Variants in PRKCH observed in about 807,000 individuals in gnomAD.
The protein encoded by PRKCH is protein kinase C eta type.
PRKCH carries 28 observed loss-of-function variants against 82.5 expected under a neutral mutation model. The observed-to-expected ratio is 0.34, with a 90% CI of 0.25 to 0.47. The LOEUF (loss-of-function observed/expected upper bound fraction) is 0.47. PRKCH is among the 20% of genes least tolerant of loss of function. PRKCH has a pLI of 1.00. For synonymous variants in PRKCH, 322 were observed against 327.4 expected (o/e 0.98, Z 0.18); for missense variants, 705 against 881.8 (o/e 0.80, Z 2.54).
Position 61,447,916 on chromosome 14 carries a change from C to T in PRKCH, c.614-1248C>T, listed in dbSNP as rs530933558. On this transcript the variant is annotated intron_variant, in intron 4 of 13. Coordinates refer to ENST00000332981, the MANE Select transcript of PRKCH (RefSeq NM_006255.5). ...AAGGAAGATAAATTTAAGCCTCAAG[C>T]GAGCATAAGAAAAGAAATAATACAA... Among the ~76,000 whole-genome samples the T allele has an allele frequency of 8.6e-5, 13 of 152,026 alleles. No individual in the cohort carries two copies. The South Asian group carries it at 2.1e-3, about 24-fold the overall frequency.
In PRKCH at chr14:61,539,478, G is replaced by A. The variant is rs138195262; in HGVS notation, c.1762-8265G>A. ...TGTGTAGTGTGTCTCTGGAGATATCGCACAGAATATTCTGATGCTGGTCAG... is the reference window on the plus strand; with the variant it reads ...TGTGTAGTGTGTCTCTGGAGATATCACACAGAATATTCTGATGCTGGTCAG... On this transcript the variant is annotated intron_variant, in intron 12 of 13. Coordinates refer to ENST00000332981, the MANE Select transcript of PRKCH (RefSeq NM_006255.5). Among the ~76,000 whole-genome samples the A allele has an allele frequency of 3.6e-3, 552 of 152,226 alleles. 3 individuals carry two copies. The highest frequency in any genetic ancestry group is 0.02 in the Middle Eastern group (6 of 294).
chr14:61,250,444 T>A (rs903989698), intron 1 of PRKCH, among the ~76,000 whole-genome samples: 6 of 151,908 alleles, frequency 3.9e-5, no homozygotes, highest in African/African-American at 1.5e-4. Context: ...AAAAGACATA[T>A]GGGAAACTTA....
intron 3 of PRKCH, 64 bp downstream of exon 3, chr14:61,443,325 G>A: frequency 6.7e-7 from 1 of 1,501,498 alleles, no homozygotes; most frequent in Non-Finnish European, 9.0e-7. Flanking sequence ...CTCTGGTTAT[G>A]TATGACTTCA....
chr14:61,544,930 A>T (rs2043234487), intron 12 of PRKCH, among the ~76,000 whole-genome samples: 1 of 152,132 alleles, frequency 6.6e-6, no homozygotes, highest in South Asian at 2.1e-4. Context: ...TCTTCCTTCC[A>T]ATTAACTAGA....
At chr14:61,224,107 T>C (rs371723702) in intron 1 of PRKCH, among the ~76,000 whole-genome samples, 8 of 152,326 alleles carry the variant, frequency 5.3e-5, no homozygotes, top group African/African-American at 1.9e-4. Context: ...CCCCTGACCC[T>C]GGGCACCCAG....
Position 61,514,604 on chromosome 14 carries a change from C to T in PRKCH, c.1434-14471C>T, listed in dbSNP as rs2042794948. 2.6e-5 allele frequency among the ~76,000 whole-genome samples: 4 copies of T among 152,134 alleles called. No individual in the cohort carries two copies. In the South Asian group the frequency reaches 8.3e-4, roughly 32 times the overall value. On this transcript the variant is annotated intron_variant, in intron 10 of 13. Coordinates refer to ENST00000332981, the MANE Select transcript of PRKCH (RefSeq NM_006255.5). ...CCAGCACAAACCAGAATCCACCCAG[C>T]TCCCCCCACATCCTCCCTAATCCTT...
chr14:61,499,498 C>A (rs1258078725), intron 10 of PRKCH, among the ~76,000 whole-genome samples: 5 of 152,074 alleles, frequency 3.3e-5, no homozygotes, highest in Non-Finnish European at 2.9e-5. Context: ...GACTGCCTGG[C>A]CCCTCACATC....
intron 1 of PRKCH, among the ~76,000 whole-genome samples, chr14:61,334,463 AG>A (rs2045828395): frequency 6.6e-6 from 1 of 152,178 alleles, no homozygotes; most frequent in Non-Finnish European, 1.5e-5. Context: ...AGCACTGTGC[AG>A]CAGACTTGCT....
intron 2 of PRKCH, among the ~76,000 whole-genome samples, chr14:61,434,196 T>C (rs1028066801): frequency 1.3e-5 from 2 of 152,192 alleles, no homozygotes; most frequent in African/African-American, 2.4e-5. Context: ...TGTTTACATT[T>C]TCAAGTATAT....
intron 1 of PRKCH, among the ~76,000 whole-genome samples, chr14:61,252,705 A>C (rs1419207659): frequency 2.6e-5 from 4 of 152,248 alleles, no homozygotes; most frequent in Non-Finnish European, 5.9e-5. Context: ...TCCAATAAGA[A>C]GTGACCAATT....
At chr14:61,336,094 C>A (rs949514453) in intron 1 of PRKCH, among the ~76,000 whole-genome samples, 1 of 152,214 alleles carries the variant, frequency 6.6e-6, no homozygotes, top group African/African-American at 2.4e-5. Flanking sequence ...ACATATACTA[C>A]CGCAGAAAAA....
chr14:61,322,122 G>C lies in PRKCH; in HGVS notation c.21G>C (p.Lys7Asn), dbSNP rs1443653480. MSSGTM[K>N]FNGYLRVRIG... The stretch of plus-strand genomic sequence containing the variant: ...CCGGCATGTCGTCTGGCACCATGAA[G>C]TTCAATGGCTATTTGAGGGTCCGCA... The change falls in exon 1 of 14, where the codon AAG (lysine) becomes AAC (asparagine). Residue 7 changes from lysine (K) to asparagine (N), a missense_variant. Coordinates refer to ENST00000332981, the MANE Select transcript of PRKCH (RefSeq NM_006255.5). 6 of 1,585,808 alleles carry C rather than the reference G, an allele frequency of 3.8e-6. No homozygotes were observed. The Admixed American group carries it at 7.0e-5, about 19-fold the overall frequency.
rs35245644 is a variant in PRKCH at position 61,399,421 on chromosome 14, T to G, written c.427+8133T>G. Reference sequence around the variant, plus strand: ...TTTTTTAATGTATATGTTTTATCCATGATTCTCAGTTTTTATGTATGATGA... The same window carrying G: ...TTTTTTAATGTATATGTTTTATCCAGGATTCTCAGTTTTTATGTATGATGA... On this transcript the variant is annotated intron_variant, in intron 2 of 13. Transcript: ENST00000332981. Among the ~76,000 whole-genome samples the G allele has an allele frequency of 2.2e-3, 335 of 152,218 alleles. 2 individuals are homozygous for G. The highest frequency in any genetic ancestry group is 0.019 in the South Asian group (91 of 4,820).
At chr14:61,346,639 G>A (rs2045996035) in intron 1 of PRKCH, among the ~76,000 whole-genome samples, 1 of 152,206 alleles carries the variant, frequency 6.6e-6, no homozygotes, top group African/African-American at 2.4e-5. Flanking sequence ...TCTTATAGGG[G>A]AAACAGATAC....
intron 1 of PRKCH, among the ~76,000 whole-genome samples, chr14:61,249,443 A>C (rs1037557277): frequency 6.6e-6 from 1 of 151,938 alleles, no homozygotes; most frequent in Non-Finnish European, 1.5e-5. Context: ...ACTTAAAAAA[A>C]CATTGGAGTC....
intron 1 of PRKCH, among the ~76,000 whole-genome samples, chr14:61,228,473 C>A (rs903232488): frequency 6.6e-6 from 1 of 151,972 alleles, no homozygotes; most frequent in Admixed American, 6.6e-5. Context: ...GGAGGATTGG[C>A]GATCAGAGTT....
At chr14:61,260,393 A>G (rs922249933) in intron 1 of PRKCH, among the ~76,000 whole-genome samples, 2 of 152,196 alleles carry the variant, frequency 1.3e-5, no homozygotes, top group Admixed American at 6.5e-5. Context: ...TAAATTCTAG[A>G]AGATCATGGA....
At chr14:61,270,452 G>C (rs1206691756) in intron 1 of PRKCH, among the ~76,000 whole-genome samples, 1 of 152,202 alleles carries the variant, frequency 6.6e-6, no homozygotes, top group African/African-American at 2.4e-5. Context: ...AAAATTCCAA[G>C]GGGACTTACC....
chr14:61,275,108 T>C (rs2140088241), intron 1 of PRKCH, among the ~76,000 whole-genome samples: 1 of 152,372 alleles, frequency 6.6e-6, no homozygotes, highest in South Asian at 2.1e-4. Context: ...AAATGTCTTT[T>C]ACTTATTAAA....
Sources: gnomAD v4.1 joint callset for allele counts (sites outside exome capture counted in the v4.1 genomes callset) on GRCh38, gnomAD v4.1.1 for gene constraint, MANE v1.5 for transcripts, NCBI Gene and HGNC (gene_info 2026-07-23, HGNC 2026-07-21) for gene names.